Variants in ACTG2 observed in about 807,000 individuals in gnomAD.
ACTG2 encodes the protein actin gamma 2, smooth muscle, also known as actin, gamma-enteric smooth muscle.
A neutral mutation model predicts 37.6 loss-of-function variants in ACTG2; 16 were observed. The ratio of observed to expected loss-of-function variants is 0.43; its 90% CI spans 0.29 to 0.65. The LOEUF is 0.65. Ranked by LOEUF, ACTG2 falls within the 30% of genes least tolerant of loss-of-function variation. The pLI is 0.18. For synonymous variants in ACTG2, 181 were observed against 179.9 expected (o/e 1.01, Z -0.05); for missense variants, 238 against 490.9 (o/e 0.48, Z 4.87).
chr2:73,918,649 C>T (rs1680320078), intron 8 of ACTG2, among the ~76,000 whole-genome samples: 1 of 152,156 alleles, frequency 6.6e-6, no homozygotes. Context: ...AGTTGTTTGA[C>T]CTGACAATCA....
At chr2:73,897,898 G>A (rs917047338) in intron 1 of ACTG2, among the ~76,000 whole-genome samples, 1 of 152,198 alleles carries the variant, frequency 6.6e-6, no homozygotes, top group Non-Finnish European at 1.5e-5. Context: ...TTCTTGAGAA[G>A]GACATTAGTC....
intron 8 of ACTG2, among the ~76,000 whole-genome samples, chr2:73,918,126 A>G (rs1680309522): frequency 6.6e-6 from 1 of 152,212 alleles, no homozygotes; most frequent in South Asian, 2.1e-4. Flanking sequence ...AGGACACTCT[A>G]AGCAGAGGAA....
In ACTG2 at chr2:73,902,347, T is replaced by C. The variant is rs1726025; in HGVS notation, c.127-13T>C. 0.58 allele frequency: 940,048 copies of C among 1,612,052 alleles called. 277,384 individuals are homozygous for C. The highest frequency in any genetic ancestry group is 0.74 in the Admixed American group (44,156 of 59,878). On this transcript the variant is annotated splice_polypyrimidine_tract_variant and intron_variant, in intron 2 of 8. Coordinates refer to ENST00000345517, the MANE Select transcript of ACTG2 (RefSeq NM_001615.4). ...CAGCCATTCATTTCTCTTTTCTTCT[T>C]TTTGCATTGCAGGGTGTGATGGTGG...
chr2:73,898,052 C>T (rs1254074723), intron 1 of ACTG2, among the ~76,000 whole-genome samples: 7 of 152,098 alleles, frequency 4.6e-5, no homozygotes, highest in Admixed American at 6.6e-5. Context: ...TAAATCTAGG[C>T]GTGGCCCTGG....
intron 3 of ACTG2, 112 bp downstream of exon 3, chr2:73,902,600 C>T (rs916244933): frequency 1.3e-6 from 2 of 1,558,250 alleles, no homozygotes; most frequent in Admixed American, 1.9e-5. Flanking sequence ...ATGCTTCTCA[C>T]TTCTGTCTTT....
intron 1 of ACTG2, among the ~76,000 whole-genome samples, chr2:73,898,373 A>C (rs904809782): frequency 6.2e-5 from 3 of 48,344 alleles, no homozygotes; most frequent in African/African-American, 1.3e-4. Flanking sequence ...TATTGTATTA[A>C]ATATTTCAGT....
chr2:73,903,935 GTC>G (rs1304435313), intron 3 of ACTG2, among the ~76,000 whole-genome samples: 46 of 81,204 alleles, frequency 5.7e-4, no homozygotes, highest in African/African-American at 2.5e-3. Context: ...GTGAGACTCC[GTC>G]TCAAAAAAAA....
At chr2:73,919,865 AG>A (rs1317329976), downstream of ACTG2, 4 of 265,470 alleles carry the variant, frequency 1.5e-5, no homozygotes, top group Non-Finnish European at 2.1e-5. Flanking sequence ...CTGACTGCAA[AG>A]CTAGTGCTCC....
At chr2:73,902,671 C>T in intron 3 of ACTG2, 183 bp downstream of exon 3, 2 of 1,551,952 alleles carry the variant, frequency 1.3e-6, no homozygotes, top group East Asian at 4.9e-5. Flanking sequence ...TCTCCCTGGA[C>T]TATTGCAATG....
Position 73,893,782 on chromosome 2 carries a change from C to T in ACTG2, c.-37+731C>T, listed in dbSNP as rs147379088. Among the ~76,000 whole-genome samples the T allele has an allele frequency of 2.1e-3, 315 of 152,278 alleles. 2 individuals are homozygous for T. The highest frequency in any genetic ancestry group is 5.7e-3 in the African/African-American group (235 of 41,552). On this transcript the variant is annotated intron_variant, in intron 1 of 8. Transcript: ENST00000345517. ...CTCACACCCAACTGTGACCCATTTG[C>T]AGATGTCATTACTCCCCCCAACCCA...
intron 1 of ACTG2, 23 bp from the exon 2 acceptor site, chr2:73,901,253 T>C (rs1179321154): frequency 1.9e-5 from 28 of 1,485,334 alleles, no homozygotes; most frequent in Non-Finnish European, 2.3e-5. Context: ...GCTGACTAGT[T>C]CTCTTCTCCC....
chr2:73,902,047 G>C (rs1040180948), intron 2 of ACTG2, among the ~76,000 whole-genome samples: 11 of 146,618 alleles, frequency 7.5e-5, no homozygotes, highest in Non-Finnish European at 1.2e-4. Context: ...GTGTCTGTGT[G>C]TGTGTGTGTG....
At chr2:73,910,779 G>A (rs1193072929) in intron 5 of ACTG2, among the ~76,000 whole-genome samples, 1 of 151,968 alleles carries the variant, frequency 6.6e-6, no homozygotes, top group Non-Finnish European at 1.5e-5. Flanking sequence ...GGCCAGGCTG[G>A]TCTCGAACTC....
At chr2:73,911,200 A>G (rs1008968716) in intron 5 of ACTG2, among the ~76,000 whole-genome samples, 2 of 152,202 alleles carry the variant, frequency 1.3e-5, no homozygotes, top group Admixed American at 6.5e-5. Flanking sequence ...ATGATTAAAA[A>G]CATAGTATAA....
chr2:73,904,808 T>TATATATAC (rs1679984778), intron 3 of ACTG2, among the ~76,000 whole-genome samples: 1 of 127,408 alleles, frequency 7.8e-6, no homozygotes, highest in African/African-American at 2.8e-5. Flanking sequence ...TATATATATA[T>TATATATAC]ATATATAATC....
chr2:73,899,574 G>C (rs1321799957), intron 1 of ACTG2, among the ~76,000 whole-genome samples: 1 of 152,020 alleles, frequency 6.6e-6, no homozygotes, highest in African/African-American at 2.4e-5. Flanking sequence ...TCTCCCAGCT[G>C]TTTTATCTGA....
At chr2:73,912,250 CG>C (rs951276123) in intron 5 of ACTG2, among the ~76,000 whole-genome samples, 12 of 152,136 alleles carry the variant, frequency 7.9e-5, no homozygotes, top group African/African-American at 2.9e-4. Flanking sequence ...CTCCACCTCC[CG>C]GGTTCAAGCG....
chr2:73,901,469 G>T (rs1679871820), intron 2 of ACTG2, 32 bp downstream of exon 2: 2 of 1,612,216 alleles, frequency 1.2e-6, no homozygotes, highest in Non-Finnish European at 1.7e-6. Context: ...ACCAGGCTTT[G>T]AGCCACTAGG....
At chr2:73,909,583 C>T (rs909079680) in intron 5 of ACTG2, among the ~76,000 whole-genome samples, 8 of 152,164 alleles carry the variant, frequency 5.3e-5, no homozygotes, top group Middle Eastern at 3.2e-3. Context: ...CTGTAGCCTA[C>T]TACATGCCCC....
Sources: gnomAD v4.1 joint callset for allele counts (sites outside exome capture counted in the v4.1 genomes callset) on GRCh38, gnomAD v4.1.1 for gene constraint, MANE v1.5 for transcripts, NCBI Gene and HGNC (gene_info 2026-07-23, HGNC 2026-07-21) for gene names.